Variants in ANK3 observed in about 807,000 individuals in gnomAD.
ANK3 encodes ankyrin 3.
Under a neutral mutation model 370.9 loss-of-function variants are expected in ANK3, and 57 were observed. That is an observed-to-expected ratio of 0.15 (90% CI 0.12 to 0.19). ANK3 has a LOEUF of 0.19. Among genes scored for constraint, ANK3 ranks in the 10% least tolerant of loss-of-function variants. ANK3 has a pLI of 1.00. For missense variants in ANK3, 4,439 were observed against 5,302.1 expected (o/e 0.84, Z 5.06); for synonymous variants, 1,929 against 1,946.3 (o/e 0.99, Z 0.23).
intron 1 of ANK3, among the ~76,000 whole-genome samples, chr10:60,305,003 T>A (rs2044680325): frequency 6.6e-6 from 1 of 152,080 alleles, no homozygotes; most frequent in African/African-American, 2.4e-5. Context: ...AAATAGCAAA[T>A]CTGATCTGCC....
chr10:60,225,315 A>T (rs1370203146), intron 8 of ANK3, among the ~76,000 whole-genome samples: 1 of 152,106 alleles, frequency 6.6e-6, no homozygotes, highest in Non-Finnish European at 1.5e-5. Context: ...GTGAAATAAA[A>T]TTTTTTGAAT....
Position 60,074,338 on chromosome 10 carries a change from C to T in ANK3, c.6543G>A (p.Gly2181=), listed in dbSNP as rs2083355399. The T allele has an allele frequency of 6.2e-7, 1 of 1,613,890 alleles. No homozygotes were observed. The highest frequency in any genetic ancestry group is 8.5e-7 in the Non-Finnish European group (1 of 1,179,952). The change falls in exon 37 of 44, where the codon GGG becomes GGA. Residue 2181 remains glycine (G), a synonymous_variant. Transcript: ENST00000280772. The part of the protein sequence containing the change: ...HVIRSYDPSA[G]DVPQTQPEEP... ...CCTCTGGTTGGGTCTGGGGAACATCCCCAGCTGAGGGATCATAGCTCCTGA... is the reference window on the plus strand; with the variant it reads ...CCTCTGGTTGGGTCTGGGGAACATCTCCAGCTGAGGGATCATAGCTCCTGA...
chr10:60,385,396 G>A (rs1034308022), intron 1 of ANK3, among the ~76,000 whole-genome samples: 4 of 151,706 alleles, frequency 2.6e-5, no homozygotes, highest in Non-Finnish European at 5.9e-5. Context: ...GGGCTCCTGG[G>A]GCTCCCTCTT....
intron 2 of ANK3, among the ~76,000 whole-genome samples, chr10:60,599,010 C>T (rs1291174517): frequency 6.6e-6 from 1 of 152,132 alleles, no homozygotes; most frequent in Non-Finnish European, 1.5e-5. Flanking sequence ...CTCATTGCAG[C>T]CTTGACGTCC....
chr10:60,502,220 C>A (rs1392940166), intron 2 of ANK3, among the ~76,000 whole-genome samples: 1 of 152,134 alleles, frequency 6.6e-6, no homozygotes, highest in Non-Finnish European at 1.5e-5. Flanking sequence ...GTAGTTACAG[C>A]CCCTGTAGCA....
intron 22 of ANK3, 63 bp downstream of exon 22, chr10:60,166,761 C>A: frequency 6.3e-7 from 1 of 1,596,520 alleles, no homozygotes; most frequent in East Asian, 2.2e-5. Context: ...GGACTTTCTT[C>A]AGGAAACAAA....
rs1467135036 is a variant in ANK3, at chr10:60,099,435, T to A, written c.3328+6470A>T. Among the ~76,000 whole-genome samples the A allele has an allele frequency of 1.3e-5, 2 of 152,200 alleles. 1 individual carries two copies. Among genetic ancestry groups the A allele is most frequent in the African/African-American group, 4.8e-5 (2 of 41,448 alleles). ...CCAAGGAAGATATCAAAGTTCAAAG[T>A]TGCAGTTATGGTACTGTGGGTGTAT... On this transcript the variant is annotated intron_variant, in intron 28 of 43. Transcript: ENST00000280772.
rs2083095722 is a variant in ANK3, at chr10:60,073,228, T to C, written c.7653A>G (p.Pro2551=). Residue 2551 remains proline, a synonymous_variant, in exon 37 of 44, where the codon CCA becomes CCG. Coordinates refer to ENST00000280772, the MANE Select transcript of ANK3 (RefSeq NM_020987.5). The part of the protein sequence containing the change: ...VLHYSGNVSS[P]KHAMWMRFTE... ...TAAAGCGCATCCACATGGCATGTTT[T>C]GGACTACTAACATTGCCAGAATAGT... 4 of 1,614,202 alleles carry C rather than the reference T, an allele frequency of 2.5e-6. No homozygotes were observed. In the East Asian group the frequency reaches 6.7e-5, roughly 27 times the overall value.
chr10:60,352,778 T>C (rs2057092785), intron 1 of ANK3, among the ~76,000 whole-genome samples: 1 of 152,202 alleles, frequency 6.6e-6, no homozygotes, highest in African/African-American at 2.4e-5. Flanking sequence ...TATTTCTACT[T>C]AGAAACTAAA....
intron 2 of ANK3, chr10:60,508,316 GCAAAGTGAAT>G (rs1338330980): frequency 2.0e-5 from 3 of 152,604 alleles, no homozygotes; most frequent in African/African-American, 7.2e-5. Context: ...CAACAAGCTT[GCAAAGTGAAT>G]CTCATTTTTC....
intron 4 of ANK3, among the ~76,000 whole-genome samples, chr10:60,271,275 G>A (rs1219742920): frequency 6.6e-6 from 1 of 152,058 alleles, no homozygotes; most frequent in Non-Finnish European, 1.5e-5. Flanking sequence ...TATCGTCACA[G>A]CTCACTGCAG....
chr10:60,232,400 G>A (rs1192562891), intron 8 of ANK3, among the ~76,000 whole-genome samples: 1 of 152,116 alleles, frequency 6.6e-6, no homozygotes, highest in African/African-American at 2.4e-5. Context: ...GGCAACAGAT[G>A]CAATGCATCT....
intron 17 of ANK3, chr10:60,186,503 A>C (rs914174430): frequency 3.2e-6 from 2 of 631,688 alleles, no homozygotes; most frequent in African/African-American, 3.6e-5. Flanking sequence ...TGCCTGAGCC[A>C]GAGCAACTGG....
At chr10:60,043,409 C>T (rs1215468715) in intron 42 of ANK3, 1 of 983,352 alleles carries the variant, frequency 1.0e-6, no homozygotes, top group East Asian at 1.1e-4. Flanking sequence ...TAAACATTGT[C>T]TATTGAAGTT....
Position 60,076,042 on chromosome 10 carries a change from C to T in ANK3, c.4839G>A (p.Gly1613=). Residue 1613 remains glycine (G), a synonymous_variant, in exon 37 of 44, where the codon GGG becomes GGA. Coordinates refer to ENST00000280772, the MANE Select transcript of ANK3 (RefSeq NM_020987.5). ...AGGAAAACGTAGAATTGGATGCCAG[C>T]CCTTTTAAGGGCGTAGCTTCCGTGA... ...PAVTEATPLK[G]LASNSTFSSR... is the part of the protein sequence containing the mutation. 1 of 1,614,210 alleles carries T rather than the reference C, an allele frequency of 6.2e-7. No homozygotes were observed. Among genetic ancestry groups the T allele is most frequent in the South Asian group, 1.1e-5 (1 of 91,088 alleles).
intron 23 of ANK3, among the ~76,000 whole-genome samples, chr10:60,144,620 A>AG (rs2094722580): frequency 6.6e-6 from 1 of 152,204 alleles, no homozygotes; most frequent in Non-Finnish European, 1.5e-5. Flanking sequence ...CATCATGACT[A>AG]GGCTGAAAGA....
intron 2 of ANK3, among the ~76,000 whole-genome samples, chr10:60,524,599 A>C (rs759091286): frequency 6.6e-6 from 1 of 152,108 alleles, no homozygotes; most frequent in Non-Finnish European, 1.5e-5. Flanking sequence ...CATGATTGTC[A>C]GGCCTCCTCA....
chr10:60,656,314 G>A (rs966909431), intron 1 of ANK3, among the ~76,000 whole-genome samples: 12 of 151,944 alleles, frequency 7.9e-5, no homozygotes, highest in South Asian at 4.2e-4. Context: ...TGATATTCCA[G>A]TATTTTCCTT....
intron 2 of ANK3, among the ~76,000 whole-genome samples, chr10:60,459,903 C>G (rs2064840705): frequency 6.6e-6 from 1 of 152,114 alleles, no homozygotes; most frequent in South Asian, 2.1e-4. Context: ...TGTAAAACTT[C>G]CTTGTGTCTC....
Sources: allele counts gnomAD v4.1 joint callset (sites outside exome capture counted in the v4.1 genomes callset), GRCh38; gene constraint gnomAD v4.1.1; transcripts MANE v1.5; gene names NCBI Gene and HGNC (gene_info 2026-07-23, HGNC 2026-07-21).